The following TSPAN9 variants were observed in gnomAD, a reference collection of about 807,000 sequenced individuals.
TSPAN9 encodes tetraspanin-9.
Under a neutral mutation model 31.0 loss-of-function variants are expected in TSPAN9, and 16 were observed. The ratio of observed to expected loss-of-function variants is 0.52; its 90% confidence interval spans 0.35 to 0.78. TSPAN9 has a LOEUF of 0.78. TSPAN9 is among the 30% of genes least tolerant of loss of function. The pLI, the probability that TSPAN9 is intolerant of heterozygous loss-of-function variation, is 0.01. For missense variants in TSPAN9, 272 were observed against 312.5 expected, an observed-to-expected ratio of 0.87 and a Z score of 0.98; for synonymous variants, 145 against 121.6, an observed-to-expected ratio of 1.19 and a Z score of -1.27.
chr12:3,160,603 T>C (rs1192319239), intron 2 of TSPAN9, among the ~76,000 whole-genome samples: 5 of 152,226 alleles, frequency 3.3e-5, no homozygotes, highest in Admixed American at 3.3e-4. Context: ...TTTCTCCACA[T>C]CCTTGTCCAC....
At chr12:3,225,296 C>G (rs2098386596) in intron 3 of TSPAN9, among the ~76,000 whole-genome samples, 1 of 152,260 alleles carries the variant, frequency 6.6e-6, no homozygotes, top group South Asian at 2.1e-4. Flanking sequence ...ACCCTTAGCA[C>G]CCGCCACTCC....
chr12:3,175,951 T>G (rs2098355306), intron 2 of TSPAN9, among the ~76,000 whole-genome samples: 2 of 152,322 alleles, frequency 1.3e-5, no homozygotes, highest in African/African-American at 4.8e-5. Context: ...AGGGCACTGC[T>G]CAGCCCTGCC....
At chr12:3,082,620 A>T (rs2153961859) in intron 1 of TSPAN9, among the ~76,000 whole-genome samples, 1 of 152,194 alleles carries the variant, frequency 6.6e-6, no homozygotes, top group South Asian at 2.1e-4. Flanking sequence ...CATGGTAGGG[A>T]GAGTGGCTGG....
chr12:3,216,094 C>T (rs924386981), intron 3 of TSPAN9, among the ~76,000 whole-genome samples: 6 of 152,228 alleles, frequency 3.9e-5, no homozygotes, highest in Non-Finnish European at 8.8e-5. Context: ...GAGTCCTGGG[C>T]TGGGAAGTAA....
intron 2 of TSPAN9, among the ~76,000 whole-genome samples, chr12:3,114,659 GT>G (rs2098321214): frequency 6.6e-6 from 1 of 151,936 alleles, no homozygotes; most frequent in Admixed American, 6.6e-5. Context: ...CCTGGCCAAT[GT>G]GGTGAAACCC....
rs953445268 is a variant in TSPAN9 at position 3,285,642 on chromosome 12, C to T, written c.*2526C>T. ...AGCGATGCCAGTGAAGGTGGCACAG[C>T]CTCTCTTCAGTTTCTCCTGACTGTG... is the stretch of plus-strand genomic sequence containing the variant. On this transcript the variant is annotated 3_prime_UTR_variant, in exon 9 of 9. Coordinates refer to ENST00000011898, the MANE Select transcript of TSPAN9 (RefSeq NM_006675.5). 6.6e-6 allele frequency: 1 copy of T among 152,222 alleles called. No individual in the cohort carries two copies. The highest frequency in any genetic ancestry group is 1.5e-5 in the Non-Finnish European group (1 of 68,052). 9.4% of individuals were successfully genotyped at this position (152,222 alleles called of 1,614,324 possible).
At chr12:3,190,356 G>T (rs185770314) in intron 2 of TSPAN9, among the ~76,000 whole-genome samples, 9 of 152,228 alleles carry the variant, frequency 5.9e-5, no homozygotes, top group Non-Finnish European at 1.3e-4. Context: ...TGTGCCCGGC[G>T]GTCTGCCTTA....
In TSPAN9 at chr12:3,172,057, GATAA is replaced by G. The variant is rs2098352162; in HGVS notation, c.-17-29118_-17-29115del. The G allele has an allele frequency of 6.6e-6, 1 of 152,280 alleles. No individual in the cohort carries two copies. The allele number at this position is 152,280 out of a possible 1,614,324, so 9.4% of individuals were successfully genotyped here. On this transcript the variant is annotated intron_variant, in intron 2 of 8. Coordinates refer to ENST00000011898, the MANE Select transcript of TSPAN9 (RefSeq NM_006675.5). This position sits in a 1 kb window ranked among gnomAD's most constrained non-coding sequence, Gnocchi z 4.8. ...TGTGATAACTCAGGCTGAGCTGGAT[GATAA>G]ACGAAAGTGGGACAGAGCTGCAGGA...
At chr12:3,211,035 G>A (rs924304301) in intron 3 of TSPAN9, among the ~76,000 whole-genome samples, 5 of 152,266 alleles carry the variant, frequency 3.3e-5, no homozygotes, top group East Asian at 3.9e-4. Flanking sequence ...CGTGAGCCAC[G>A]GCGCCCTGCT....
chr12:3,161,793 A>ATCTG (rs2098345405), intron 2 of TSPAN9, among the ~76,000 whole-genome samples: 2 of 151,568 alleles, frequency 1.3e-5, no homozygotes, highest in Non-Finnish European at 2.9e-5. Context: ...CTATCTATCT[A>ATCTG]TCTATCTATC....
At chr12:3,155,459 T>A (rs1418885253) in intron 2 of TSPAN9, among the ~76,000 whole-genome samples, 2 of 151,934 alleles carry the variant, frequency 1.3e-5, no homozygotes, top group Admixed American at 1.3e-4. Context: ...CCAGGCCTGG[T>A]GTGGTGGTGC....
chr12:3,160,053 C>CCCAT lies in TSPAN9; in HGVS notation c.-17-41123_-17-41120dup, dbSNP rs1163336265. Among the ~76,000 whole-genome samples, 6 of 152,166 alleles carry CCCAT rather than the reference C, an allele frequency of 3.9e-5. No individual in the cohort carries two copies. The South Asian group carries it at 1.2e-3, about 32-fold the overall frequency. On this transcript the variant is annotated intron_variant, in intron 2 of 8. Transcript: ENST00000011898. ...ACATGTTATCACCTCAGAAAGAAAC[C>CCCAT]CCATACCCACTGGAAGCCATTCTCT...
intron 2 of TSPAN9, among the ~76,000 whole-genome samples, chr12:3,112,177 CTTT>C (rs138645701): frequency 1.0e-4 from 12 of 115,622 alleles, no homozygotes; most frequent in Admixed American, 1.9e-4. Flanking sequence ...TGTAATGTTC[CTTT>C]TTTTTTTTTT....
At chr12:3,225,869 A>G (rs896577045) in intron 3 of TSPAN9, among the ~76,000 whole-genome samples, 2 of 152,078 alleles carry the variant, frequency 1.3e-5, no homozygotes. Flanking sequence ...TCTCAGCTGG[A>G]AGAACAAAGC....
At chr12:3,152,687 G>A (rs1435690263) in intron 2 of TSPAN9, among the ~76,000 whole-genome samples, 1 of 152,104 alleles carries the variant, frequency 6.6e-6, no homozygotes, top group Admixed American at 6.6e-5. Context: ...CCAGGTTCAA[G>A]CAATTCTCCC....
chr12:3,272,601 C>G (rs1476360356), intron 3 of TSPAN9, among the ~76,000 whole-genome samples: 1 of 151,940 alleles, frequency 6.6e-6, no homozygotes, highest in African/African-American at 2.4e-5. Context: ...TACACAGAAG[C>G]CTGAGAGGTC....
chr12:3,195,844 C>T (rs1174675791), intron 2 of TSPAN9, among the ~76,000 whole-genome samples: 1 of 152,192 alleles, frequency 6.6e-6, no homozygotes, highest in Non-Finnish European at 1.5e-5. Context: ...CCCCTCCCTG[C>T]CTCCCGAAGG....
chr12:3,220,145 C>CAAAAAAA (rs55735802), intron 3 of TSPAN9, among the ~76,000 whole-genome samples: 26 of 137,342 alleles, frequency 1.9e-4, no homozygotes, highest in African/African-American at 7.5e-4. Context: ...AACTCTGTCT[C>CAAAAAAA]AAAAAAAAAA....
chr12:3,105,806 GCACACA>G (rs1233498644), intron 2 of TSPAN9, among the ~76,000 whole-genome samples: 14 of 108,658 alleles, frequency 1.3e-4, no homozygotes, highest in South Asian at 5.6e-4. Context: ...GCACACATGC[GCACACA>G]CGCACACGCG....
Sources: allele counts gnomAD v4.1 joint callset (sites outside exome capture counted in the v4.1 genomes callset), GRCh38; gene constraint gnomAD v4.1.1; non-coding constraint Gnocchi (gnomAD v3.1); transcripts MANE v1.5; gene names NCBI Gene and HGNC (gene_info 2026-07-23, HGNC 2026-07-21).